ZNF91: variants seen among roughly 807,000 people sequenced by gnomAD.
ZNF91 encodes the protein zinc finger protein 91, also known as zinc finger protein 91 (HPF7, HTF10).
Under a neutral mutation model 12.6 loss-of-function variants are expected in ZNF91, and 7 were observed. The ratio of observed to expected loss-of-function variants is 0.55; its 90% CI spans 0.31 to 1.04. The LOEUF is 1.04. Among genes scored for constraint, ZNF91 ranks in the 50% least tolerant of loss-of-function variants. ZNF91 has a pLI of 0.05. For synonymous variants in ZNF91, 453 were observed against 462.6 expected, an observed-to-expected ratio of 0.98 and a Z score of 0.27; for missense variants, 1,217 against 1,385.4, an observed-to-expected ratio of 0.88 and a Z score of 1.93.
intron 1 of ZNF91, chr19:23,384,766 G>T: frequency 1.6e-6 from 1 of 637,022 alleles, no homozygotes; most frequent in South Asian, 1.7e-5. Flanking sequence ...TCAGCTCCCC[G>T]GGCATAGTAA....
chr19:23,365,571 CT>C (rs370180013), intron 3 of ZNF91, among the ~76,000 whole-genome samples: 312 of 145,372 alleles, frequency 2.1e-3, no homozygotes, highest in Middle Eastern at 3.5e-3. Context: ...ATATAGAAGT[CT>C]TTTTTTTTTT....
rs199516743 is a variant in ZNF91 at position 23,378,934 on chromosome 19, G to C, written c.31-4170C>G. On this transcript the variant is annotated intron_variant, in intron 1 of 3. Coordinates refer to ENST00000300619, the MANE Select transcript of ZNF91 (RefSeq NM_003430.4). ...TCATCATTTTTCACTCAAGTACCAG[G>C]GAACTAGAGAAACTCTCACCTGGGT... 9.2e-5 allele frequency among the ~76,000 whole-genome samples: 14 copies of C among 152,218 alleles called. No homozygotes were observed. The East Asian group carries it at 2.7e-3, about 29-fold the overall frequency.
upstream of ZNF91, among the ~76,000 whole-genome samples, chr19:23,311,984 GAAGAC>G (rs1967479616): frequency 1.3e-5 from 2 of 151,552 alleles, no homozygotes; most frequent in Admixed American, 1.3e-4. Context: ...TCTAGCCACA[GAAGAC>G]TTTGTGACAT....
At chr19:23,317,051 CT>C (rs1006599973) in intron 1 of ZNF91, among the ~76,000 whole-genome samples, 84 of 145,220 alleles carry the variant, frequency 5.8e-4, no homozygotes, top group Admixed American at 6.2e-4. Flanking sequence ...CTTTTCTTTT[CT>C]TTTTTTTTTT....
At chr19:23,323,825 C>T in intron 1 of ZNF91, 1 of 150,678 alleles carries the variant, frequency 6.6e-6, no homozygotes, top group Non-Finnish European at 1.5e-5. Flanking sequence ...CCTACTTTTC[C>T]TTTTTCTTTT....
intron 1 of ZNF91, chr19:23,325,582 C>G (rs1447381357): frequency 6.6e-6 from 1 of 152,214 alleles, no homozygotes; most frequent in African/African-American, 2.4e-5. Context: ...TGAAAGTAAT[C>G]TCCATTCCTT....
At chr19:23,319,986 C>G (rs1209311639) in intron 1 of ZNF91, among the ~76,000 whole-genome samples, 1 of 152,120 alleles carries the variant, frequency 6.6e-6, no homozygotes, top group African/African-American at 2.4e-5. Context: ...GTATAAAGCC[C>G]ACAAGTGGTA....
chr19:23,306,598 T>C (rs12979938), intron 3 of ZNF91, among the ~76,000 whole-genome samples: 2 of 152,210 alleles, frequency 1.3e-5, no homozygotes, highest in Non-Finnish European at 2.9e-5. Context: ...TCAGCCATTG[T>C]GACATGTTGC....
intron 3 of ZNF91, among the ~76,000 whole-genome samples, chr19:23,351,788 A>G (rs1968373494): frequency 6.6e-6 from 1 of 152,136 alleles, no homozygotes; most frequent in Non-Finnish European, 1.5e-5. Flanking sequence ...GAGACACCCT[A>G]AATACTGTGA....
At chr19:23,373,666 ATCACTT>A (rs1178292140) in intron 3 of ZNF91, 70 bp downstream of exon 3, 7 of 1,156,620 alleles carry the variant, frequency 6.1e-6, no homozygotes, top group Non-Finnish European at 8.6e-6. Context: ...AGCTTCTCAG[ATCACTT>A]TAAAGACCTG....
In ZNF91 at chr19:23,331,648, T is replaced by C. The variant is rs569924596; in HGVS notation, n.117-22551A>G. Reference sequence around the variant, plus strand: ...TTTTTTAAGCAGCTCTAGATGTAGATGTGGTGAACATGGTGGTCTGTGTGT... The same window carrying C: ...TTTTTTAAGCAGCTCTAGATGTAGACGTGGTGAACATGGTGGTCTGTGTGT... On this transcript the variant is annotated intron_variant and non_coding_transcript_variant, in intron 1 of 1. Coordinates refer to the ZNF91 transcript ENST00000596528. 1.1e-4 allele frequency among the ~76,000 whole-genome samples: 17 copies of C among 152,314 alleles called. No homozygotes were observed. The East Asian group carries it at 3.1e-3, about 28-fold the overall frequency.
intron 3 of ZNF91, among the ~76,000 whole-genome samples, chr19:23,371,965 A>G (rs1344331732): frequency 6.6e-6 from 1 of 152,204 alleles, no homozygotes; most frequent in Non-Finnish European, 1.5e-5. Flanking sequence ...TTATGTATAT[A>G]TTTAGCAAAA....
intron 1 of ZNF91, among the ~76,000 whole-genome samples, chr19:23,323,562 CT>C (rs1225766840): frequency 6.7e-6 from 1 of 149,204 alleles, no homozygotes; most frequent in African/African-American, 2.5e-5. Context: ...TTCCTTTTTC[CT>C]TTTCCTCTTC....
chr19:23,344,701 C>T (rs903515517), intron 3 of ZNF91, among the ~76,000 whole-genome samples: 40 of 152,174 alleles, frequency 2.6e-4, no homozygotes, highest in Non-Finnish European at 7.3e-5. Context: ...GAGGACCCAG[C>T]AGCAACCCCA....
chr19:23,362,801 C>T, intron 3 of ZNF91, 76 bp from the exon 4 acceptor site: 1 of 1,304,918 alleles, frequency 7.7e-7, no homozygotes, highest in Non-Finnish European at 9.8e-7. Context: ...AAAATCTTAC[C>T]TACAAAATTA....
intron 1 of ZNF91, among the ~76,000 whole-genome samples, chr19:23,384,155 G>A (rs770420934): frequency 1.3e-5 from 2 of 152,150 alleles, no homozygotes; most frequent in Non-Finnish European, 2.9e-5. Context: ...AGGAACAGAG[G>A]AGGTCAAACT....
intron 1 of ZNF91, among the ~76,000 whole-genome samples, chr19:23,309,424 A>T (rs946235127): frequency 6.6e-6 from 1 of 152,172 alleles, no homozygotes; most frequent in African/African-American, 2.4e-5. Context: ...TAACAGTGTG[A>T]CATATCATTG....
Position 23,359,830 on chromosome 19 carries a change from T to C in ZNF91, c.3149A>G (p.Tyr1050Cys), listed in dbSNP as rs202182741. The change falls in exon 4 of 4, where the codon TAC (tyrosine) becomes TGC (cysteine). Residue 1050 changes from tyrosine (Y) to cysteine (C), a missense_variant. Physicochemically the swap from Tyr to Cys is radical, Grantham distance 194 (BLOSUM62 -2). Around this residue, in one of 2 missense-constraint regions of ZNF91, gnomAD observed 491 missense variants for 489.8 expected, o/e 1.00. Transcript: ENST00000300619. The part of the protein sequence containing the change: ...HKIIHTGEKP[Y>C]KCEECGKAFI... ...TGCTTTGCCACATTCTTCACACTTG[T>C]AAGGTTTCTCTCCAGTATGAATTAT... The C allele has an allele frequency of 8.2e-5, 133 of 1,613,916 alleles. No homozygotes were observed. The highest frequency in any genetic ancestry group is 1.0e-4 in the Non-Finnish European group (121 of 1,179,984).
intron 3 of ZNF91, among the ~76,000 whole-genome samples, chr19:23,341,155 A>C (rs917786224): frequency 6.6e-6 from 1 of 151,822 alleles, no homozygotes; most frequent in East Asian, 1.9e-4. Context: ...GGTTCAAGCA[A>C]TTCTTCTGTG....
Sources: allele counts gnomAD v4.1 joint callset (sites outside exome capture counted in the v4.1 genomes callset), GRCh38; gene constraint gnomAD v4.1.1; regional missense constraint gnomAD v4.1.1; transcripts MANE v1.5; gene names NCBI Gene and HGNC (gene_info 2026-07-23, HGNC 2026-07-21).